TNFRSF14: variants seen among roughly 807,000 people sequenced by gnomAD.
TNFRSF14 encodes the protein tumor necrosis factor receptor superfamily member 14.
In TNFRSF14, 18 loss-of-function variants were observed where a neutral mutation model predicts 34.1. The ratio of observed to expected loss-of-function variants is 0.53; its 90% confidence interval spans 0.36 to 0.78. TNFRSF14 has a LOEUF of 0.78. Ranked by LOEUF, TNFRSF14 falls within the 30% of genes least tolerant of loss-of-function variation. The pLI is 0.00. For synonymous variants in TNFRSF14, 157 were observed against 153.2 expected (o/e 1.02, Z -0.18); for missense variants, 352 against 379.5 (o/e 0.93, Z 0.60).
chr1:2,562,793 G>T (rs925701723), intron 6 of TNFRSF14, 72 bp from the exon 7 acceptor site: 24 of 1,593,136 alleles, frequency 1.5e-5, no homozygotes, highest in South Asian at 3.3e-5. Flanking sequence ...ACCGCTGTGA[G>T]ACCATTGCCA....
intron 7 of TNFRSF14, 93 bp from the exon 8 acceptor site, chr1:2,563,055 C>A: frequency 1.9e-6 from 3 of 1,591,126 alleles, no homozygotes; most frequent in Non-Finnish European, 2.6e-6. Context: ...AAGAACCCAC[C>A]CCCTCAAACT....
In TNFRSF14 at chr1:2,562,915, C is replaced by G; in HGVS notation, c.726+19C>G. On this transcript the variant is annotated intron_variant, in intron 7 of 7. Coordinates refer to ENST00000355716, the MANE Select transcript of TNFRSF14 (RefSeq NM_003820.4). ...CGTCCAGGTATTGATCCTCCTCCCC[C>G]TCTCCCTCCCCCCTCCACCTTCCCA... 3 of 1,609,780 alleles carry G rather than the reference C, an allele frequency of 1.9e-6. No individual in the cohort carries two copies. The highest frequency in any genetic ancestry group is 2.6e-6 in the Non-Finnish European group (3 of 1,176,368).
rs962491590 is a variant in TNFRSF14 at position 2,560,823 on chromosome 1, C to G, written c.551+109C>G. 495 of 967,138 alleles carry G rather than the reference C, an allele frequency of 5.1e-4. No homozygotes were observed. Among genetic ancestry groups the G allele is most frequent in the Admixed American group, 9.1e-4 (40 of 43,974 alleles). 59.9% of individuals were successfully genotyped at this position (967,138 alleles called of 1,614,324 possible). On this transcript the variant is annotated intron_variant, in intron 5 of 7. Coordinates refer to ENST00000355716, the MANE Select transcript of TNFRSF14 (RefSeq NM_003820.4). ...AGCAGAAAGGCTTGAAGGTCCCACC[C>G]TGAGCGGCACCCTGGTCACATGCCT...
Position 2,563,305 on chromosome 1 carries a change from A to T in TNFRSF14, c.*32A>T. ...GACTCTGCACCCCGACGCCAGAGAT[A>T]CCTGGAGCGACGGCTGCTGAAAGAG... On this transcript the variant is annotated 3_prime_UTR_variant, in exon 8 of 8. Transcript: ENST00000355716. The T allele has an allele frequency of 6.2e-7, 1 of 1,606,698 alleles. No homozygotes were observed. The highest frequency in any genetic ancestry group is 2.2e-5 in the East Asian group (1 of 44,700).
upstream of TNFRSF14, among the ~76,000 whole-genome samples, chr1:2,554,458 C>T (rs994988302): frequency 3.9e-5 from 6 of 152,074 alleles, no homozygotes; most frequent in African/African-American, 1.4e-4. This position sits in a 1 kb window ranked among gnomAD's most constrained non-coding sequence, Gnocchi z 4.2. Context: ...AGAAAAGGGA[C>T]GGAGGGCCGA....
At chr1:2,557,209 C>T (rs1443690084) in intron 1 of TNFRSF14, among the ~76,000 whole-genome samples, 1 of 152,234 alleles carries the variant, frequency 6.6e-6, no homozygotes, top group African/African-American at 2.4e-5. Flanking sequence ...TGTCCAGCCA[C>T]TATCCCCATC....
Position 2,563,457 on chromosome 1 carries a change from C to T in TNFRSF14, c.*184C>T, listed in dbSNP as rs1471545738. The stretch of plus-strand genomic sequence containing the variant: ...GGGTAGAGCTGGGGACGCCACGTGC[C>T]ATTCCCATGGGCCAGTGAGGGCCTG... On this transcript the variant is annotated 3_prime_UTR_variant, in exon 8 of 8. Transcript: ENST00000355716. 2.1e-6 allele frequency: 2 copies of T among 936,100 alleles called. No homozygotes were observed. The highest frequency in any genetic ancestry group is 1.7e-5 in the African/African-American group (1 of 60,030). The allele number at this position is 936,100 out of a possible 1,614,324, so 58.0% of individuals were successfully genotyped here.
intron 1 of TNFRSF14, chr1:2,557,042 T>TGTCTCTGGGC: frequency 5.2e-6 from 2 of 387,832 alleles, no homozygotes; most frequent in South Asian, 1.2e-4. Flanking sequence ...GGGGGCTGGG[T>TGTCTCTGGGC]GTCTCTGGGC....
intron 1 of TNFRSF14, 49 bp downstream of exon 1, chr1:2,556,782 C>A: frequency 6.6e-7 from 1 of 1,513,526 alleles, no homozygotes; most frequent in South Asian, 1.3e-5. Flanking sequence ...CCAGTTCTGA[C>A]CCCAGGGCCT....
Position 2,560,622 on chromosome 1 carries a change from A to G in TNFRSF14, c.461-2A>G. 1 of 1,611,940 alleles carries G rather than the reference A, an allele frequency of 6.2e-7. No individual in the cohort carries two copies. Among genetic ancestry groups the G allele is most frequent in the Non-Finnish European group, 8.5e-7 (1 of 1,179,168 alleles). ...CCCCTCTGTCCGTCCCTCTCTTCTC[A>G]GGCACCGAGAGTCAGGACACCCTGT... On this transcript the variant is annotated splice_acceptor_variant, in intron 4 of 7. Transcript: ENST00000355716. LOFTEE classifies it high-confidence loss of function.
chr1:2,561,698 G>A lies in TNFRSF14; in HGVS notation c.577G>A (p.Gly193Arg), dbSNP rs766866458. The change falls in exon 6 of 8, where the codon GGA becomes AGA. Residue 193 changes from glycine to arginine, a missense_variant. Transcript: ENST00000355716. The surrounding 1 kb of genome is among the most constrained non-coding windows in gnomAD (Gnocchi z 6.0). Reference sequence around the variant, plus strand: ...GTGCAGCTGGCTGGTGACGAAGGCCGGAGCTGGGACCAGCAGCTCCCACTG... The same window carrying A: ...GTGCAGCTGGCTGGTGACGAAGGCCAGAGCTGGGACCAGCAGCTCCCACTG... ...TKCSWLVTKA[G>R]AGTSSSHWVW... is the part of the protein sequence containing the mutation. 3.7e-5 allele frequency: 60 copies of A among 1,613,074 alleles called. 1 individual carries two copies. The South Asian group carries it at 5.3e-4, about 14-fold the overall frequency.
intron 3 of TNFRSF14, chr1:2,559,613 G>A (rs1403464583): frequency 5.9e-6 from 9 of 1,534,006 alleles, no homozygotes; most frequent in Admixed American, 3.9e-5. Flanking sequence ...GCAAGCCCTC[G>A]TCCCACACGC....
upstream of TNFRSF14, chr1:2,556,290 G>A (rs1351573132): frequency 2.0e-5 from 11 of 563,390 alleles, no homozygotes; most frequent in African/African-American, 1.8e-4. Context: ...ACTTTGGGGG[G>A]CTCCCCCTTC....
At chr1:2,554,252 G>A (rs549818349), upstream of TNFRSF14, 1 of 153,058 alleles carries the variant, frequency 6.5e-6, no homozygotes, top group Non-Finnish European at 1.5e-5. The surrounding 1 kb of genome is among the most constrained non-coding windows in gnomAD (Gnocchi z 4.2). Context: ...ATGACCCTGG[G>A]GTCCTGCACA....
intron 3 of TNFRSF14, chr1:2,559,210 A>G (rs1644266855): frequency 7.3e-7 from 1 of 1,369,826 alleles, no homozygotes; most frequent in Non-Finnish European, 9.6e-7. Context: ...GGGTTCATGC[A>G]TGTAGGCTGG....
intron 4 of TNFRSF14, 139 bp from the exon 5 acceptor site, chr1:2,560,485 G>A: frequency 1.6e-6 from 1 of 631,278 alleles, no homozygotes. Flanking sequence ...TCTGGACAGG[G>A]AGCCTGCCCC....
intron 6 of TNFRSF14, chr1:2,562,350 G>A (rs1320925546): frequency 9.3e-6 from 2 of 215,656 alleles, no homozygotes; most frequent in Non-Finnish European, 1.9e-5. Flanking sequence ...CACAGCCCCC[G>A]GGGACGCAGC....
At position 2,556,555 on chromosome 1, in the gene TNFRSF14, T is replaced by G; in HGVS notation, c.-110T>G. 6.4e-6 allele frequency: 7 copies of G among 1,099,788 alleles called. No individual in the cohort carries two copies. Among genetic ancestry groups the G allele is most frequent in the Non-Finnish European group, 8.2e-6 (6 of 736,172 alleles). The allele number at this position is 1,099,788 out of a possible 1,614,324, so 68.1% of individuals were successfully genotyped here. ...CTTGTCACACCGAGGCGGATTCTCTTTCTCTTTCTCTTTCTCTTCTGGCCC... is the reference window on the plus strand; with the variant it reads ...CTTGTCACACCGAGGCGGATTCTCTGTCTCTTTCTCTTTCTCTTCTGGCCC... On this transcript the variant is annotated 5_prime_UTR_variant, in exon 1 of 8. Transcript: ENST00000355716.
chr1:2,560,635 C>G lies in TNFRSF14; in HGVS notation c.472C>G (p.Gln158Glu), dbSNP rs973934729. 1 of 1,613,300 alleles carries G rather than the reference C, an allele frequency of 6.2e-7. No homozygotes were observed. Among genetic ancestry groups the G allele is most frequent in the African/African-American group, 1.3e-5 (1 of 75,012 alleles). The change falls in exon 5 of 8, where the codon CAG (glutamine) becomes GAG (glutamate). Residue 158 changes from glutamine (Q) to glutamate (E), a missense_variant. By Grantham distance (29) the Gln-to-Glu change is conservative. Transcript: ENST00000355716. ...CCCTCTCTTCTCAGGCACCGAGAGTCAGGACACCCTGTGTCAGAACTGCCC... is the reference window on the plus strand; with the variant it reads ...CCCTCTCTTCTCAGGCACCGAGAGTGAGGACACCCTGTGTCAGAACTGCCC... ...QRVQKGGTES[Q>E]DTLCQNCPPG...
Sources: allele counts gnomAD v4.1 joint callset (sites outside exome capture counted in the v4.1 genomes callset), GRCh38; gene constraint gnomAD v4.1.1; non-coding constraint Gnocchi (gnomAD v3.1); transcripts MANE v1.5; gene names NCBI Gene and HGNC (gene_info 2026-07-23, HGNC 2026-07-21).